ADGRB3: variants seen among roughly 807,000 people sequenced by gnomAD.
ADGRB3 encodes the protein adhesion G protein-coupled receptor B3, also known as brain-specific angiogenesis inhibitor 3.
ADGRB3 carries 37 observed loss-of-function variants against 193.4 expected under a neutral mutation model. That is an observed-to-expected ratio of 0.19 (90% CI 0.15 to 0.25). The LOEUF is 0.25. ADGRB3 is among the 10% of genes least tolerant of loss of function. ADGRB3 has a pLI of 1.00. For synonymous variants in ADGRB3, 690 were observed against 644.2 expected (o/e 1.07, Z -1.08); for missense variants, 1,637 against 1,852.9 (o/e 0.88, Z 2.14).
At chr6:68,800,056 T>A (rs1325808669) in intron 3 of ADGRB3, among the ~76,000 whole-genome samples, 6 of 152,078 alleles carry the variant, frequency 3.9e-5, no homozygotes, top group African/African-American at 1.4e-4. Flanking sequence ...CCATGTGTAG[T>A]AGGTAAGAGT....
At chr6:68,922,179 A>C (rs1184207632) in intron 3 of ADGRB3, among the ~76,000 whole-genome samples, 1 of 152,176 alleles carries the variant, frequency 6.6e-6, no homozygotes, top group African/African-American at 2.4e-5. Context: ...TTTGTCTGCT[A>C]TGTTCACAGC....
chr6:69,256,315 T>C (rs1466447284), intron 20 of ADGRB3, among the ~76,000 whole-genome samples: 1 of 152,160 alleles, frequency 6.6e-6, no homozygotes, highest in Non-Finnish European at 1.5e-5. Flanking sequence ...TTTCATGATA[T>C]TGATTCTTCC....
intron 17 of ADGRB3, among the ~76,000 whole-genome samples, chr6:69,086,740 G>A (rs567314575): frequency 6.6e-6 from 1 of 152,162 alleles, no homozygotes; most frequent in South Asian, 2.1e-4. Flanking sequence ...AATAACATTG[G>A]TTATTGATTA....
chr6:68,861,479 G>A (rs1468432525), intron 3 of ADGRB3, among the ~76,000 whole-genome samples: 4 of 151,912 alleles, frequency 2.6e-5, no homozygotes, highest in Admixed American at 6.6e-5. Flanking sequence ...GGAGAATGGC[G>A]TGAACCCGGG....
intron 3 of ADGRB3, among the ~76,000 whole-genome samples, chr6:68,849,116 T>C (rs1487813449): frequency 1.3e-5 from 2 of 151,984 alleles, no homozygotes; most frequent in Non-Finnish European, 1.5e-5. Flanking sequence ...AAAGGAATAA[T>C]ATTTGCCTTA....
At chr6:68,754,696 A>G (rs1161423409) in intron 3 of ADGRB3, among the ~76,000 whole-genome samples, 1 of 151,512 alleles carries the variant, frequency 6.6e-6, no homozygotes, top group East Asian at 2.0e-4. Context: ...TCCATTTAAT[A>G]TGTGCTTACA....
intron 20 of ADGRB3, among the ~76,000 whole-genome samples, chr6:69,321,170 A>AT (rs1582630641): frequency 6.6e-6 from 1 of 151,662 alleles, no homozygotes; most frequent in East Asian, 1.9e-4. Flanking sequence ...TTTTCCTGTT[A>AT]TTTTAAGCAA....
intron 3 of ADGRB3, among the ~76,000 whole-genome samples, chr6:68,716,369 C>T (rs771519377): frequency 4.0e-5 from 6 of 151,704 alleles, no homozygotes; most frequent in Non-Finnish European, 5.9e-5. Flanking sequence ...CTGATTCTTG[C>T]AACTTCTTAG....
intron 3 of ADGRB3, among the ~76,000 whole-genome samples, chr6:68,918,473 A>C (rs73747853): frequency 0.031 from 4,666 of 152,288 alleles, 208 homozygotes; most frequent in African/African-American, 0.11. Context: ...TGCAATACCC[A>C]GATACAAGTA....
At chr6:68,654,723 A>T (rs1720268122) in intron 3 of ADGRB3, among the ~76,000 whole-genome samples, 1 of 151,966 alleles carries the variant, frequency 6.6e-6, no homozygotes, top group Admixed American at 6.6e-5. Context: ...TGAATTTACT[A>T]ACTAAATATT....
At chr6:69,320,995 C>A (rs1269554571) in intron 20 of ADGRB3, among the ~76,000 whole-genome samples, 2 of 151,746 alleles carry the variant, frequency 1.3e-5, no homozygotes, top group Admixed American at 1.3e-4. Context: ...TTCAGAACTT[C>A]TGTGTCATCC....
chr6:69,129,374 G>A (rs1561928201), intron 17 of ADGRB3, among the ~76,000 whole-genome samples: 1 of 152,192 alleles, frequency 6.6e-6, no homozygotes, highest in East Asian at 1.9e-4. Flanking sequence ...ACAGAATAAG[G>A]AAGTTAGAGA....
intron 3 of ADGRB3, among the ~76,000 whole-genome samples, chr6:68,832,065 T>C (rs1371938036): frequency 6.6e-6 from 1 of 152,180 alleles, no homozygotes; most frequent in African/African-American, 2.4e-5. Context: ...GACTACTTCA[T>C]TTTAATTACT....
chr6:69,113,040 G>A (rs999839743), intron 17 of ADGRB3, among the ~76,000 whole-genome samples: 10 of 152,298 alleles, frequency 6.6e-5, no homozygotes, highest in Admixed American at 4.6e-4. Flanking sequence ...TTACAGGCGC[G>A]AGCCACTATG....
In ADGRB3 at chr6:69,384,533, C is replaced by A. The variant is rs190618291; in HGVS notation, c.4380+1598C>A. ...ATCTAAAAGTCTTATGCAACAGATACAGCTGGCTAACTGCTATAATATGAT... is the reference window on the plus strand; with the variant it reads ...ATCTAAAAGTCTTATGCAACAGATAAAGCTGGCTAACTGCTATAATATGAT... On this transcript the variant is annotated intron_variant, in intron 31 of 31. Transcript: ENST00000370598. Among the ~76,000 whole-genome samples the A allele has an allele frequency of 3.3e-5, 5 of 152,124 alleles. No homozygotes were observed. In the East Asian group the frequency reaches 5.8e-4, roughly 18 times the overall value.
intron 20 of ADGRB3, among the ~76,000 whole-genome samples, chr6:69,252,097 T>A (rs1368754175): frequency 2.0e-5 from 3 of 152,136 alleles, no homozygotes; most frequent in African/African-American, 7.2e-5. Flanking sequence ...TTGTTCTGAT[T>A]CCTGTCATCG....
intron 18 of ADGRB3, among the ~76,000 whole-genome samples, chr6:69,233,669 T>A (rs1766201700): frequency 6.6e-6 from 1 of 152,238 alleles, no homozygotes; most frequent in East Asian, 1.9e-4. Context: ...AGTCCAATCA[T>A]GTCACTAATA....
intron 26 of ADGRB3, among the ~76,000 whole-genome samples, chr6:69,342,737 GT>G (rs1393489769): frequency 2.0e-5 from 3 of 152,114 alleles, no homozygotes; most frequent in African/African-American, 7.2e-5. Context: ...ACATTAGGTA[GT>G]GATTCATATC....
intron 17 of ADGRB3, among the ~76,000 whole-genome samples, chr6:69,166,346 A>C (rs1256298677): frequency 6.6e-6 from 1 of 152,096 alleles, no homozygotes; most frequent in African/African-American, 2.4e-5. Context: ...TCCCCACATG[A>C]ATAGAGCCTT....
Sources: allele counts gnomAD v4.1 joint callset (sites outside exome capture counted in the v4.1 genomes callset), GRCh38; gene constraint gnomAD v4.1.1; transcripts MANE v1.5; gene names NCBI Gene and HGNC (gene_info 2026-07-23, HGNC 2026-07-21).